The following OAS3 variants were observed in gnomAD, a reference collection of about 807,000 sequenced individuals.
OAS3 encodes the protein 2'-5'-oligoadenylate synthetase 3.
Under a neutral mutation model 113.0 loss-of-function variants are expected in OAS3, and 107 were observed. The ratio of observed to expected loss-of-function variants is 0.95; its 90% confidence interval spans 0.81 to 1.11. The LOEUF (loss-of-function observed/expected upper bound fraction) is 1.11, where lower values mean the gene tolerates loss of function less well. Ranked by LOEUF, OAS3 falls within the 50% of genes most tolerant of loss-of-function variation. OAS3 has a pLI of 0.00. For missense variants in OAS3, 1,258 were observed against 1,389.1 expected (o/e 0.91, Z 1.50); for synonymous variants, 552 against 573.6 (o/e 0.96, Z 0.54).
chr12:112,962,721 C>T lies in OAS3; in HGVS notation c.1903C>T (p.Leu635Phe), dbSNP rs1173424715. The T allele has an allele frequency of 1.2e-6, 2 of 1,614,032 alleles. No individual in the cohort carries two copies. Among genetic ancestry groups the T allele is most frequent in the Non-Finnish European group, 1.7e-6 (2 of 1,179,908 alleles). ...GCCCCCAGCCTATGCCCTGGAGCTC[C>T]TCACCATCTTTGCCTGGGAGCAGGG... ...SLPPAYALEL[L>F]TIFAWEQGCR... The change falls in exon 9 of 16, where the codon CTC becomes TTC. Residue 635 changes from leucine to phenylalanine, a missense_variant. Leu to Phe is a conservative substitution (Grantham distance 22, BLOSUM62 0). Transcript: ENST00000228928.
At chr12:112,945,776 G>C (rs1017010199) in intron 3 of OAS3, among the ~76,000 whole-genome samples, 1 of 152,164 alleles carries the variant, frequency 6.6e-6, no homozygotes, top group South Asian at 2.1e-4. Context: ...TCTTACTCAG[G>C]TTCTTTCCAT....
In OAS3 at chr12:112,941,756, G is replaced by A. The variant is rs777901217; in HGVS notation, c.364G>A (p.Glu122Lys). 2.7e-5 allele frequency: 43 copies of A among 1,614,042 alleles called. No individual in the cohort carries two copies. Among genetic ancestry groups the A allele is most frequent in the Non-Finnish European group, 3.4e-5 (40 of 1,179,904 alleles). ...CCCTGGTCTGAGACTCACGTTTCCT[G>A]AGCAGAGCGTGCCTGGGGCCCTGCA... ...PVPGLRLTFP[E>K]QSVPGALQFR... The change falls in exon 2 of 16, where the codon GAG becomes AAG. Residue 122 changes from glutamate to lysine, a missense_variant. By Grantham distance (56) the Glu-to-Lys change is moderately conservative. Coordinates refer to ENST00000228928, the MANE Select transcript of OAS3 (RefSeq NM_006187.4).
At chr12:112,947,801 A>G in intron 4 of OAS3, 145 bp from the exon 5 acceptor site, 2 of 675,708 alleles carry the variant, frequency 3.0e-6, no homozygotes. Flanking sequence ...CATTTTGCGG[A>G]TAAGGAAATC....
intron 12 of OAS3, 122 bp downstream of exon 12, chr12:112,966,151 A>T: frequency 9.8e-7 from 1 of 1,024,004 alleles, no homozygotes; most frequent in Non-Finnish European, 1.4e-6. Flanking sequence ...CAGGCATTGT[A>T]GTTGTGTATG....
intron 6 of OAS3, among the ~76,000 whole-genome samples, chr12:112,949,514 C>T (rs1429668123): frequency 1.3e-5 from 2 of 152,158 alleles, no homozygotes; most frequent in African/African-American, 4.8e-5. Context: ...CTGGCCTTGA[C>T]TTACTCCACA....
At chr12:112,955,631 T>A (rs574517885) in intron 7 of OAS3, among the ~76,000 whole-genome samples, 19 of 152,370 alleles carry the variant, frequency 1.2e-4, no homozygotes, top group Admixed American at 3.9e-4. Flanking sequence ...TTTATTGATT[T>A]GTGTATGTTG....
intron 7 of OAS3, among the ~76,000 whole-genome samples, chr12:112,952,542 TG>T (rs146887813): frequency 0.23 from 34,853 of 151,858 alleles, 4,943 homozygotes; most frequent in East Asian, 0.65. Context: ...CTTTTGTTTT[TG>T]TTTTTACAAT....
At chr12:112,966,358 A>G (rs1337700691) in intron 12 of OAS3, among the ~76,000 whole-genome samples, 5 of 152,220 alleles carry the variant, frequency 3.3e-5, no homozygotes, top group Non-Finnish European at 5.9e-5. Flanking sequence ...CAGTAAGGAC[A>G]CTGATGTTTC....
At chr12:112,955,093 G>A (rs1333813724) in intron 7 of OAS3, among the ~76,000 whole-genome samples, 1 of 152,142 alleles carries the variant, frequency 6.6e-6, no homozygotes, top group Non-Finnish European at 1.5e-5. Context: ...ATTGTGAATG[G>A]GAGTTCACTC....
At chr12:112,952,359 C>G (rs1320622000) in intron 7 of OAS3, among the ~76,000 whole-genome samples, 1 of 152,122 alleles carries the variant, frequency 6.6e-6, no homozygotes, top group East Asian at 1.9e-4. Context: ...ATTTTCCTGA[C>G]GTACCCTCTC....
At position 112,968,133 on chromosome 12, in the gene OAS3, G is replaced by A; in HGVS notation, c.3063G>A (p.Lys1021=). 1 of 1,613,850 alleles carries A rather than the reference G, an allele frequency of 6.2e-7. No individual in the cohort carries two copies. Among genetic ancestry groups the A allele is most frequent in the Non-Finnish European group, 8.5e-7 (1 of 1,179,816 alleles). ...CCATCAACTACAACGCCAAGGACAA[G>A]ACTGTTGGAGACTTCCTGAAACAGC... ...YWTINYNAKD[K]TVGDFLKQQL... The change falls in exon 14 of 16, where the codon AAG becomes AAA. Residue 1021 remains lysine, a synonymous_variant. Coordinates refer to ENST00000228928, the MANE Select transcript of OAS3 (RefSeq NM_006187.4).
chr12:112,968,101 T>C lies in OAS3; in HGVS notation c.3031T>C (p.Tyr1011His). Residue 1011 changes from tyrosine to histidine, a missense_variant, in exon 14 of 16, where the codon TAC becomes CAC. Coordinates refer to ENST00000228928, the MANE Select transcript of OAS3 (RefSeq NM_006187.4). ...LVTQYRQLCI[Y>H]WTINYNAKDK... ...CACCCAGTACCGCCAGCTCTGTATC[T>C]ACTGGACCATCAACTACAACGCCAA... 1.2e-6 allele frequency: 2 copies of C among 1,613,958 alleles called. No individual in the cohort carries two copies. Among genetic ancestry groups the C allele is most frequent in the Non-Finnish European group, 1.7e-6 (2 of 1,179,872 alleles).
At chr12:112,958,593 A>G (rs562652324) in intron 7 of OAS3, among the ~76,000 whole-genome samples, 3 of 152,246 alleles carry the variant, frequency 2.0e-5, no homozygotes, top group African/African-American at 7.2e-5. Context: ...GGTCTGTTGG[A>G]GTTTGCTGGA....
rs752858054 is a variant in OAS3, at chr12:112,950,687, C to G, written c.1375-6C>G. On this transcript the variant is annotated splice_region_variant and splice_polypyrimidine_tract_variant and intron_variant, in intron 6 of 15. Transcript: ENST00000228928. The stretch of plus-strand genomic sequence containing the variant: ...TCCCTGATCTGAGCTGTTCTTCCCT[C>G]CACAGGGGGGCTCATTTGGCCGGGG... 6.2e-7 allele frequency: 1 copy of G among 1,613,854 alleles called. No homozygotes were observed. The highest frequency in any genetic ancestry group is 8.5e-7 in the Non-Finnish European group (1 of 1,179,786).
chr12:112,951,439 C>T (rs191872968), intron 7 of OAS3, among the ~76,000 whole-genome samples: 91 of 152,130 alleles, frequency 6.0e-4, no homozygotes, highest in African/African-American at 2.1e-3. Flanking sequence ...ACATTAGCTA[C>T]AGGGCAAATC....
In OAS3 at chr12:112,941,748, C is replaced by T. The variant is rs540377614; in HGVS notation, c.356C>T (p.Thr119Met). ...WQNPVPGLRL[T>M]FPEQSVPGAL... Reference sequence around the variant, plus strand: ...AACCCAGTCCCTGGTCTGAGACTCACGTTTCCTGAGCAGAGCGTGCCTGGG... The same window carrying T: ...AACCCAGTCCCTGGTCTGAGACTCATGTTTCCTGAGCAGAGCGTGCCTGGG... The change falls in exon 2 of 16, where the codon ACG (threonine) becomes ATG (methionine). Residue 119 changes from threonine (T) to methionine (M), a missense_variant. Coordinates refer to ENST00000228928, the MANE Select transcript of OAS3 (RefSeq NM_006187.4). The T allele has an allele frequency of 1.5e-5, 24 of 1,613,998 alleles. No homozygotes were observed. The South Asian group carries it at 1.8e-4, about 12-fold the overall frequency.
Position 112,946,988 on chromosome 12 carries a change from C to T in OAS3, c.875+7C>T. The T allele has an allele frequency of 1.2e-6, 2 of 1,609,118 alleles. No homozygotes were observed. Among genetic ancestry groups the T allele is most frequent in the Non-Finnish European group, 1.7e-6 (2 of 1,175,644 alleles). Reference sequence around the variant, plus strand: ...GGCAGCTTAAGAGACCCAGGTACTTCCTAATAGCCCACCATCTGCTCTCCT... The same window carrying T: ...GGCAGCTTAAGAGACCCAGGTACTTTCTAATAGCCCACCATCTGCTCTCCT... On this transcript the variant is annotated splice_region_variant and intron_variant, in intron 4 of 15. Transcript: ENST00000228928.
intron 7 of OAS3, among the ~76,000 whole-genome samples, chr12:112,952,442 G>C (rs1218400655): frequency 6.6e-6 from 1 of 152,104 alleles, no homozygotes; most frequent in East Asian, 1.9e-4. Context: ...AGACAAAAAT[G>C]AAAGAAGCAA....
intron 14 of OAS3, 75 bp downstream of exon 14, chr12:112,968,249 G>T (rs531624073): frequency 1.3e-6 from 2 of 1,496,924 alleles, no homozygotes; most frequent in African/African-American, 2.8e-5. Context: ...AGATTGCAGA[G>T]CAGAGATGGG....
Sources: gnomAD v4.1 joint callset for allele counts (sites outside exome capture counted in the v4.1 genomes callset) on GRCh38, gnomAD v4.1.1 for gene constraint, MANE v1.5 for transcripts, NCBI Gene and HGNC (gene_info 2026-07-23, HGNC 2026-07-21) for gene names.